IRS2: variants seen among roughly 807,000 people sequenced by gnomAD.
The protein encoded by IRS2 is insulin receptor substrate 2.
Under a neutral mutation model 70.9 loss-of-function variants are expected in IRS2, and 28 were observed. The observed-to-expected ratio is 0.39, with a 90% CI of 0.29 to 0.54. The LOEUF is 0.54. IRS2 is among the 20% of genes least tolerant of loss of function. The pLI, the probability that IRS2 is intolerant of heterozygous loss-of-function variation, is 0.59. For missense variants in IRS2, 2,081 were observed against 2,024.1 expected (o/e 1.03, Z -0.54); for synonymous variants, 1,217 against 981.9 (o/e 1.24, Z -4.48).
At position 109,783,440 on chromosome 13, in the gene IRS2, G is replaced by A; in HGVS notation, c.2614C>T (p.Pro872Ser). Reference protein sequence around the residue: ...PHPVVPSPVRPSGGRPEGFLG... With the variant: ...PHPVVPSPVRSSGGRPEGFLG... ...AAGCCCTCCGGGCGGCCGCCGCTAG[G>A]CCGCACGGGCGAAGGCACTACAGGG... is the stretch of plus-strand genomic sequence containing the variant. Residue 872 changes from proline to serine, a missense_variant, in exon 1 of 2, where the codon CCT (proline) becomes TCT (serine). This residue lies in a region of IRS2 where 1,615 missense variants were observed against 1,459.5 expected (regional missense o/e 1.11). Coordinates refer to ENST00000375856, the MANE Select transcript of IRS2 (RefSeq NM_003749.3). 1 of 1,523,302 alleles carries A rather than the reference G, an allele frequency of 6.6e-7. No individual in the cohort carries two copies. The highest frequency in any genetic ancestry group is 8.8e-7 in the Non-Finnish European group (1 of 1,140,642). 94.4% of individuals were successfully genotyped at this position (1,523,302 alleles called of 1,614,324 possible). A position where few individuals can be genotyped will look rare whatever the true frequency, so the allele number is the denominator to read the frequency against.
At chr13:109,778,198 T>C (rs1296977335) in intron 1 of IRS2, among the ~76,000 whole-genome samples, 1 of 152,202 alleles carries the variant, frequency 6.6e-6, no homozygotes, top group African/African-American at 2.4e-5. Context: ...AGGATTATAA[T>C]TACCCCCATT....
rs1295939223 is a variant in IRS2 at position 109,783,776 on chromosome 13, G to A, written c.2278C>T (p.Leu760=). 4.4e-6 allele frequency: 7 copies of A among 1,597,450 alleles called. No homozygotes were observed. The African/African-American group carries it at 6.7e-5, about 15-fold the overall frequency. The change falls in exon 1 of 2, where the codon CTG becomes TTG. Residue 760 remains leucine (L), a synonymous_variant. Coordinates refer to ENST00000375856, the MANE Select transcript of IRS2 (RefSeq NM_003749.3). ...TTGAGGTAGTCCCCGTTGGGCAGCA[G>A]CTTGCCATCTGCATGCTCCATGGAC... The part of the protein sequence containing the change: ...KLSMEHADGK[L]LPNGDYLNVS...
chr13:109,769,042 T>C (rs942044505), intron 1 of IRS2, among the ~76,000 whole-genome samples: 2 of 152,252 alleles, frequency 1.3e-5, no homozygotes, highest in African/African-American at 4.8e-5. Context: ...TACAAACTTG[T>C]GCTTTTGTTT....
intron 1 of IRS2, among the ~76,000 whole-genome samples, chr13:109,767,468 G>T (rs1877360559): frequency 6.6e-6 from 1 of 152,164 alleles, no homozygotes; most frequent in African/African-American, 2.4e-5. Flanking sequence ...AAGTTGGACT[G>T]TGTGGTGATT....
rs9559645 is a variant in IRS2, at chr13:109,766,764, A to G, written c.4013-10456T>C. 7.3e-3 allele frequency among the ~76,000 whole-genome samples: 321 copies of G among 44,102 alleles called. 70 individuals are homozygous for G. The highest frequency in any genetic ancestry group is 9.6e-3 in the Non-Finnish European group (163 of 16,964). The allele number at this position is 44,102 out of a possible 152,430, so 28.9% of individuals were successfully genotyped here. On this transcript the variant is annotated intron_variant, in intron 1 of 1. Transcript: ENST00000375856. The stretch of plus-strand genomic sequence containing the variant: ...AGATATCCCAGCCTCATCCACCCTG[A>G]CTCCAACTCCCCACCAAGCATGTAG...
Position 109,782,398 on chromosome 13 carries a change from G to A in IRS2, c.3656C>T (p.Pro1219Leu). ...GCCCCCGGGCTGACCCGGGGTCCACGGCCGGCCCTGCGGTGCCAAAGGGGG... is the reference window on the plus strand; with the variant it reads ...GCCCCCGGGCTGACCCGGGGTCCACAGCCGGCCCTGCGGTGCCAAAGGGGG... ...PAPPLAPQGR[P>L]WTPGQPGGLV... Residue 1219 changes from proline to leucine, a missense_variant, in exon 1 of 2, where the codon CCG becomes CTG. Physicochemically the swap from Pro to Leu is moderately conservative, Grantham distance 98 (BLOSUM62 -3). Transcript: ENST00000375856. 9 of 1,607,360 alleles carry A rather than the reference G, an allele frequency of 5.6e-6. No individual in the cohort carries two copies. Among genetic ancestry groups the A allele is most frequent in the Non-Finnish European group, 7.6e-6 (9 of 1,177,446 alleles).
rs1443489792 is a variant in IRS2 at position 109,782,882 on chromosome 13, C to T, written c.3172G>A (p.Ala1058Thr). ...SAVATAQGPG[A>T]ASSLSSDTGD... The stretch of plus-strand genomic sequence containing the variant: ...GTGTCCGAGGACAACGATGAGGCGG[C>T]GCCCGGGCCCTGGGCGGTGGCAACG... The change falls in exon 1 of 2, where the codon GCC (alanine) becomes ACC (threonine). Residue 1058 changes from alanine (A) to threonine (T), a missense_variant. Physicochemically the swap from Ala to Thr is moderately conservative, Grantham distance 58. Around this residue, in one of 4 missense-constraint regions of IRS2, gnomAD observed 1,615 missense variants for 1,459.5 expected, o/e 1.11. Coordinates refer to ENST00000375856, the MANE Select transcript of IRS2 (RefSeq NM_003749.3). The T allele has an allele frequency of 5.1e-6, 8 of 1,565,222 alleles. No homozygotes were observed. Among genetic ancestry groups the T allele is most frequent in the Admixed American group, 1.9e-5 (1 of 52,400 alleles).
intron 1 of IRS2, among the ~76,000 whole-genome samples, chr13:109,773,657 C>A (rs1319618379): frequency 1.3e-5 from 2 of 152,212 alleles, no homozygotes; most frequent in Non-Finnish European, 2.9e-5. Flanking sequence ...TCAGTAGACA[C>A]CGTCCACATA....
chr13:109,781,355 A>C (rs1307553632), intron 1 of IRS2, among the ~76,000 whole-genome samples: 2 of 152,166 alleles, frequency 1.3e-5, no homozygotes, highest in Non-Finnish European at 2.9e-5. Context: ...TGTTTCAGCA[A>C]AGCCTCCAGG....
At chr13:109,757,186 T>G (rs1877126461) in intron 1 of IRS2, among the ~76,000 whole-genome samples, 1 of 152,202 alleles carries the variant, frequency 6.6e-6, no homozygotes, top group African/African-American at 2.4e-5. Context: ...AATTGGAAGA[T>G]TTTGACCTTT....
rs1594381007 is a variant in IRS2 at position 109,765,071 on chromosome 13, C to CCAAGCACACACAATGCAT, written c.4013-8781_4013-8764dup. 2.6e-5 allele frequency among the ~76,000 whole-genome samples: 4 copies of CCAAGCACACACAATGCAT among 152,228 alleles called. No individual in the cohort carries two copies. The East Asian group carries it at 7.8e-4, about 30-fold the overall frequency. On this transcript the variant is annotated intron_variant, in intron 1 of 1. Coordinates refer to ENST00000375856, the MANE Select transcript of IRS2 (RefSeq NM_003749.3). ...TGAATCCCTTGCCACGTCACACATGCCAAGCACACACAATGCATCATCAAC... is the reference window on the plus strand; with the variant it reads ...TGAATCCCTTGCCACGTCACACATGCCAAGCACACACAATGCATCAAGCACACACAATGCATCATCAAC...
chr13:109,777,123 G>A (rs1435556798), intron 1 of IRS2, among the ~76,000 whole-genome samples: 2 of 152,080 alleles, frequency 1.3e-5, no homozygotes, highest in Non-Finnish European at 2.9e-5. Context: ...ATGGGGGGCG[G>A]GGGGCACAGC....
rs1447324218 is a variant in IRS2, at chr13:109,784,111, C to T, written c.1943G>A (p.Gly648Glu). 4.4e-6 allele frequency: 7 copies of T among 1,594,696 alleles called. No individual in the cohort carries two copies. The highest frequency in any genetic ancestry group is 2.7e-5 in the African/African-American group (2 of 74,820). The change falls in exon 1 of 2, where the codon GGG (glycine) becomes GAG (glutamate). Residue 648 changes from glycine (G) to glutamate (E), a missense_variant. Gly to Glu is a moderately conservative substitution (Grantham distance 98). Transcript: ENST00000375856. This position sits in a 1 kb window ranked among gnomAD's most constrained non-coding sequence, Gnocchi z 5.2. The part of the protein sequence containing the change: ...GSHRSSSSNL[G>E]ADDGYMPMTP... ...CATGGGCATGTAGCCGTCGTCTGCC[C>T]CCAGGTTGCTGCTGGAGCTCCTGTG...
intron 1 of IRS2, among the ~76,000 whole-genome samples, chr13:109,778,862 C>A (rs1379852306): frequency 6.6e-6 from 1 of 152,142 alleles, no homozygotes; most frequent in East Asian, 1.9e-4. Context: ...TTATGGCATT[C>A]ATCAATCTAC....
rs2138935054 is a variant in IRS2 at position 109,784,184 on chromosome 13, C to T, written c.1870G>A (p.Ala624Thr). ...PSCPASSPKV[A>T]YHPYPEDYGD... is the part of the protein sequence containing the mutation. The stretch of plus-strand genomic sequence containing the variant: ...TAGTCCTCTGGGTAGGGGTGGTAGG[C>T]CACCTTGGGAGAGGACGCGGGGCAG... Residue 624 changes from alanine to threonine, a missense_variant, in exon 1 of 2, where the codon GCC (alanine) becomes ACC (threonine). This residue lies in a region of IRS2 where 1,615 missense variants were observed against 1,459.5 expected (regional missense o/e 1.11). Transcript: ENST00000375856. The surrounding 1 kb of genome is among the most constrained non-coding windows in gnomAD (Gnocchi z 5.2). 1 of 1,578,214 alleles carries T rather than the reference C, an allele frequency of 6.3e-7. No homozygotes were observed. Among genetic ancestry groups the T allele is most frequent in the Non-Finnish European group, 8.6e-7 (1 of 1,164,332 alleles).
In IRS2 at chr13:109,782,899, G is replaced by C; in HGVS notation, c.3155C>G (p.Thr1052Ser). The C allele has an allele frequency of 6.4e-7, 1 of 1,552,998 alleles. No individual in the cohort carries two copies. The highest frequency in any genetic ancestry group is 8.7e-7 in the Non-Finnish European group (1 of 1,148,684). ...TGAGGCGGCGCCCGGGCCCTGGGCG[G>C]TGGCAACGGCCGAGGCGGGGGGCAG... is the stretch of plus-strand genomic sequence containing the variant. ...YRLPPASAVA[T>S]AQGPGAASSL... Residue 1052 changes from threonine to serine, a missense_variant, in exon 1 of 2, where the codon ACC becomes AGC. Physicochemically the swap from Thr to Ser is moderately conservative, Grantham distance 58. Around this residue, in one of 4 missense-constraint regions of IRS2, gnomAD observed 1,615 missense variants for 1,459.5 expected, o/e 1.11. Transcript: ENST00000375856.
At chr13:109,763,858 T>A (rs1877279171) in intron 1 of IRS2, among the ~76,000 whole-genome samples, 1 of 152,250 alleles carries the variant, frequency 6.6e-6, no homozygotes, top group Non-Finnish European at 1.5e-5. Context: ...TCACAATATA[T>A]CCATCTCCAG....
At position 109,785,924 on chromosome 13, in the gene IRS2, G is replaced by A. The variant is rs751359671; in HGVS notation, c.130C>T (p.His44Tyr). The A allele has an allele frequency of 3.3e-6, 5 of 1,497,888 alleles. No individual in the cohort carries two copies. In the South Asian group the frequency reaches 3.8e-5, roughly 11 times the overall value. 92.8% of individuals were successfully genotyped at this position (1,497,888 alleles called of 1,614,324 possible). ...CCGCGCAGCACGAAGAAGCGCTTGT[G>A]GCCATGCTTCTGCTTGCGCAGGTAG... ...CGYLRKQKHG[H>Y]KRFFVLRGPG... Residue 44 changes from histidine to tyrosine, a missense_variant, in exon 1 of 2, where the codon CAC becomes TAC. Transcript: ENST00000375856. This position sits in a 1 kb window ranked among gnomAD's most constrained non-coding sequence, Gnocchi z 9.3.
Position 109,784,899 on chromosome 13 carries a change from C to A in IRS2, c.1155G>T (p.Val385=). ...AAAAGARPVS[V]AGSPLSPGPV... ...GCCCGGGGCTCAGGGGGCTCCCAGC[C>A]ACCGACACCGGCCTGGCGCCCGCGG... Residue 385 remains valine, a synonymous_variant, in exon 1 of 2, where the codon GTG becomes GTT. Transcript: ENST00000375856. The surrounding 1 kb of genome is among the most constrained non-coding windows in gnomAD (Gnocchi z 5.2). 2 of 1,076,046 alleles carry A rather than the reference C, an allele frequency of 1.9e-6. No individual in the cohort carries two copies. Among genetic ancestry groups the A allele is most frequent in the Non-Finnish European group, 1.1e-6 (1 of 889,164 alleles). 66.7% of individuals were successfully genotyped at this position (1,076,046 alleles called of 1,614,324 possible). A position where few individuals can be genotyped will look rare whatever the true frequency, so the allele number is the denominator to read the frequency against.
Sources: gnomAD v4.1 joint callset for allele counts (sites outside exome capture counted in the v4.1 genomes callset) on GRCh38, gnomAD v4.1.1 for gene constraint, gnomAD v4.1.1 regional missense constraint, Gnocchi (gnomAD v3.1) non-coding constraint, MANE v1.5 for transcripts, NCBI Gene and HGNC (gene_info 2026-07-23, HGNC 2026-07-21) for gene names.